MAP2K4: variants seen among roughly 807,000 people sequenced by gnomAD.
The protein encoded by MAP2K4 is mitogen-activated protein kinase kinase 4.
Under a neutral mutation model 48.5 loss-of-function variants are expected in MAP2K4, and 4 were observed. The ratio of observed to expected loss-of-function variants is 0.08; its 90% CI spans 0.04 to 0.19. The LOEUF (loss-of-function observed/expected upper bound fraction) is 0.19. Among genes scored for constraint, MAP2K4 ranks in the 10% least tolerant of loss-of-function variants. The pLI is 1.00. For synonymous variants in MAP2K4, 166 were observed against 173.1 expected (o/e 0.96, Z 0.32); for missense variants, 258 against 493.3 (o/e 0.52, Z 4.52).
chr17:12,041,902 TG>T (rs1276073465), intron 1 of MAP2K4, among the ~76,000 whole-genome samples: 2 of 152,160 alleles, frequency 1.3e-5, no homozygotes, highest in African/African-American at 4.8e-5. Flanking sequence ...CGATGGAGGC[TG>T]GGCGTGGTGG....
intron 1 of MAP2K4, among the ~76,000 whole-genome samples, chr17:12,050,740 A>G (rs1970114916): frequency 6.6e-6 from 1 of 152,112 alleles, no homozygotes; most frequent in Non-Finnish European, 1.5e-5. Context: ...AGGGCTCTTT[A>G]TCATCTTGTT....
intron 2 of MAP2K4, among the ~76,000 whole-genome samples, chr17:12,060,746 T>TGC (rs71361419): frequency 4.2e-5 from 6 of 143,570 alleles, no homozygotes; most frequent in Non-Finnish European, 9.5e-5. Context: ...TGTGTGTGTG[T>TGC]GCGCGCGTGT....
At chr17:12,109,607 A>C (rs1213781996) in intron 5 of MAP2K4, among the ~76,000 whole-genome samples, 2 of 152,162 alleles carry the variant, frequency 1.3e-5, no homozygotes, top group Non-Finnish European at 2.9e-5. Flanking sequence ...GTGACCAGGC[A>C]ACAGGATAAA....
chr17:12,084,430 T>C (rs1179296204), intron 3 of MAP2K4, among the ~76,000 whole-genome samples: 3 of 152,184 alleles, frequency 2.0e-5, no homozygotes, highest in African/African-American at 7.2e-5. Flanking sequence ...TTTGTATACT[T>C]GTGCCTGAAT....
At chr17:12,132,886 A>C (rs1391597817) in intron 9 of MAP2K4, among the ~76,000 whole-genome samples, 2 of 152,194 alleles carry the variant, frequency 1.3e-5, no homozygotes, top group Admixed American at 6.5e-5. Context: ...CATGTAGGTA[A>C]CAATAAATGA....
intron 1 of MAP2K4, among the ~76,000 whole-genome samples, chr17:12,033,999 C>T (rs1043924492): frequency 7.9e-5 from 12 of 152,244 alleles, no homozygotes; most frequent in Admixed American, 3.9e-4. Context: ...CTATGTTGCC[C>T]AGGCTGGTCT....
rs565054493 is a variant in MAP2K4, at chr17:12,142,262, T to C, written c.*1002T>C. The C allele has an allele frequency of 4.3e-6, 1 of 233,472 alleles. No homozygotes were observed. The highest frequency in any genetic ancestry group is 8.5e-6 in the Non-Finnish European group (1 of 117,948). 14.5% of individuals were successfully genotyped at this position (233,472 alleles called of 1,614,324 possible). Reference sequence around the variant, plus strand: ...CAGGGAGAAGTAGCTAGTAGCAATGTGCCTTGATTGATTAGATAAAGATTT... The same window carrying C: ...CAGGGAGAAGTAGCTAGTAGCAATGCGCCTTGATTGATTAGATAAAGATTT... On this transcript the variant is annotated 3_prime_UTR_variant, in exon 11 of 11. Coordinates refer to ENST00000353533, the MANE Select transcript of MAP2K4 (RefSeq NM_003010.4).
At chr17:12,105,808 C>T (rs996887946) in intron 4 of MAP2K4, among the ~76,000 whole-genome samples, 26 of 151,998 alleles carry the variant, frequency 1.7e-4, no homozygotes, top group African/African-American at 5.8e-4. Flanking sequence ...TTTTCTGTCC[C>T]CCCTTCTCAT....
chr17:12,092,552 A>G (rs1342807006), intron 3 of MAP2K4, among the ~76,000 whole-genome samples: 1 of 152,202 alleles, frequency 6.6e-6, no homozygotes, highest in Non-Finnish European at 1.5e-5. Flanking sequence ...GTTGATTGTC[A>G]TTATGTATTC....
At chr17:12,059,038 G>T (rs1970370754) in intron 2 of MAP2K4, among the ~76,000 whole-genome samples, 1 of 152,014 alleles carries the variant, frequency 6.6e-6, no homozygotes, top group Admixed American at 6.6e-5. Flanking sequence ...GGATTTTTGG[G>T]GGGATCTTGG....
At position 12,125,362 on chromosome 17, in the gene MAP2K4, G is replaced by T. The variant is rs778836717; in HGVS notation, c.882G>T (p.Gly294=). ...YDVRSDVWSL[G]ITLYELATGR... ...TCCGCTCTGATGTCTGGAGTTTGGGGATCACATTGGTATGTTTATGCTGAT... is the reference window on the plus strand; with the variant it reads ...TCCGCTCTGATGTCTGGAGTTTGGGTATCACATTGGTATGTTTATGCTGAT... Residue 294 remains glycine (G), a synonymous_variant, in exon 8 of 11, where the codon GGG becomes GGT. Transcript: ENST00000353533. The T allele has an allele frequency of 1.2e-6, 2 of 1,613,804 alleles. No individual in the cohort carries two copies. Among genetic ancestry groups the T allele is most frequent in the South Asian group, 1.1e-5 (1 of 91,078 alleles).
chr17:12,083,351 G>A (rs1971253628), intron 3 of MAP2K4, among the ~76,000 whole-genome samples: 1 of 152,186 alleles, frequency 6.6e-6, no homozygotes, highest in Non-Finnish European at 1.5e-5. Flanking sequence ...CATTTGTAAT[G>A]TTACATTATC....
intron 2 of MAP2K4, among the ~76,000 whole-genome samples, chr17:12,056,676 A>G (rs1289212349): frequency 6.6e-6 from 1 of 152,084 alleles, no homozygotes; most frequent in East Asian, 1.9e-4. Flanking sequence ...ATAGGTAACT[A>G]CTAGCATTGT....
At chr17:12,044,835 A>G (rs560355391) in intron 1 of MAP2K4, among the ~76,000 whole-genome samples, 5 of 152,104 alleles carry the variant, frequency 3.3e-5, no homozygotes, top group Admixed American at 1.3e-4. Flanking sequence ...GTTTCCCACA[A>G]CCCTCCTTTG....
rs1971957420 is a variant in MAP2K4 at position 12,102,147 on chromosome 17, A to G, written c.514-5643A>G. On this transcript the variant is annotated intron_variant, in intron 4 of 10. Transcript: ENST00000353533. ...ATGATATTAGCTGTGGACTTTTCAT[A>G]TATATATATTTTTAATCAGGTTAAG... Among the ~76,000 whole-genome samples, 4 of 151,982 alleles carry G rather than the reference A, an allele frequency of 2.6e-5. No individual in the cohort carries two copies. The South Asian group carries it at 8.3e-4, about 31-fold the overall frequency.
At chr17:12,116,016 CCAAATGACCG>C in intron 7 of MAP2K4, 1 of 369,656 alleles carries the variant, frequency 2.7e-6, no homozygotes, top group Non-Finnish European at 5.2e-6. Flanking sequence ...GAGAAAAAAA[CCAAATGACCG>C]CACTGTTACA....
chr17:12,045,003 A>G (rs1359646093), intron 1 of MAP2K4, among the ~76,000 whole-genome samples: 1 of 152,210 alleles, frequency 6.6e-6, no homozygotes, highest in African/African-American at 2.4e-5. Context: ...ACAAAACCAA[A>G]AATATATATT....
chr17:12,131,857 A>G (rs1271423772), intron 9 of MAP2K4, among the ~76,000 whole-genome samples: 2 of 152,226 alleles, frequency 1.3e-5, no homozygotes, highest in Non-Finnish European at 2.9e-5. Context: ...TTTACACAGA[A>G]TATGTAAAGA....
chr17:12,087,417 A>G (rs1226254586), intron 3 of MAP2K4, among the ~76,000 whole-genome samples: 1 of 152,108 alleles, frequency 6.6e-6, no homozygotes, highest in African/African-American at 2.4e-5. Flanking sequence ...AGTAAAGAGG[A>G]AGAAGATGAT....
Sources: gnomAD v4.1 joint callset for allele counts (sites outside exome capture counted in the v4.1 genomes callset) on GRCh38, gnomAD v4.1.1 for gene constraint, MANE v1.5 for transcripts, NCBI Gene and HGNC (gene_info 2026-07-23, HGNC 2026-07-21) for gene names.